AGAP1: variants seen among roughly 807,000 people sequenced by gnomAD.
The protein encoded by AGAP1 is arf-GAP with GTPase, ANK repeat and PH domain-containing protein 1.
In AGAP1, 29 loss-of-function variants were observed where a neutral mutation model predicts 105.3. The observed-to-expected ratio is 0.28, with a 90% CI of 0.21 to 0.38. The LOEUF is 0.38. Among genes scored for constraint, AGAP1 ranks in the 10% least tolerant of loss-of-function variants. The pLI, the probability that AGAP1 is intolerant of heterozygous loss-of-function variation, is 1.00. For synonymous variants in AGAP1, 509 were observed against 485.9 expected, an observed-to-expected ratio of 1.05 and a Z score of -0.63; for missense variants, 998 against 1,165.1, an observed-to-expected ratio of 0.86 and a Z score of 2.09.
chr2:235,602,692 A>G (rs962579591), intron 1 of AGAP1, among the ~76,000 whole-genome samples: 8 of 146,336 alleles, frequency 5.5e-5, no homozygotes, highest in African/African-American at 2.1e-4. Context: ...AGTTATCCGC[A>G]TCAGACACAT....
chr2:235,519,399 A>T (rs932861935), intron 1 of AGAP1, among the ~76,000 whole-genome samples: 1 of 152,058 alleles, frequency 6.6e-6, no homozygotes, highest in Non-Finnish European at 1.5e-5. Context: ...AATTGGTTTA[A>T]TCCTCCCAGG....
Position 235,494,790 on chromosome 2 carries a change from A to C in AGAP1, c.104A>C (p.Glu35Ala). The C allele has an allele frequency of 6.3e-7, 1 of 1,584,924 alleles. No individual in the cohort carries two copies. Among genetic ancestry groups the C allele is most frequent in the Non-Finnish European group, 8.6e-7 (1 of 1,165,656 alleles). ...ATCTACTCCATCTACGAGCTGCTGG[A>C]GCGCGTGGAGGAGCCGGTGCTGCAG... Reference protein sequence around the residue: ...PNIYSIYELLERVEEPVLQNQ... With the variant: ...PNIYSIYELLARVEEPVLQNQ... Residue 35 changes from glutamate (E) to alanine (A), a missense_variant, in exon 1 of 18, where the codon GAG becomes GCG. Physicochemically the swap from Glu to Ala is moderately radical, Grantham distance 107. Transcript: ENST00000304032.
intron 9 of AGAP1, among the ~76,000 whole-genome samples, chr2:235,870,698 C>G (rs1012366044): frequency 6.6e-6 from 1 of 152,124 alleles, no homozygotes; most frequent in Admixed American, 6.5e-5. Context: ...TTCTGAAATC[C>G]AGCCAGCACA....
At chr2:236,118,753 C>T (rs890748867) in intron 16 of AGAP1, among the ~76,000 whole-genome samples, 1 of 152,132 alleles carries the variant, frequency 6.6e-6, no homozygotes, top group Non-Finnish European at 1.5e-5. Flanking sequence ...GGCTTGGCTC[C>T]TGGGATCCTT....
rs1013295461 is a variant in AGAP1, at chr2:235,751,793, G to A, written c.673+1305G>A. On this transcript the variant is annotated intron_variant, in intron 6 of 17. Transcript: ENST00000304032. This position sits in a 1 kb window ranked among gnomAD's most constrained non-coding sequence, Gnocchi z 5.3. ...TCCTAGTTACTGCTTCATGGCTTAG[G>A]TTTCTTCTCGCCTTATCCAGTGCCA... Among the ~76,000 whole-genome samples, 14 of 152,144 alleles carry A rather than the reference G, an allele frequency of 9.2e-5. No homozygotes were observed. The highest frequency in any genetic ancestry group is 1.5e-4 in the Non-Finnish European group (10 of 68,022).
chr2:235,841,293 C>T (rs909456549), intron 9 of AGAP1, among the ~76,000 whole-genome samples: 3 of 152,154 alleles, frequency 2.0e-5, no homozygotes, highest in Non-Finnish European at 4.4e-5. Flanking sequence ...CAACAGTCGC[C>T]GCTCACTAGG....
chr2:235,849,479 C>T (rs1559559627), intron 9 of AGAP1, among the ~76,000 whole-genome samples: 1 of 12,962 alleles, frequency 7.7e-5, no homozygotes, highest in Non-Finnish European at 1.2e-4. Flanking sequence ...CAGGCAGTGA[C>T]CTCTCCTGCA....
chr2:235,616,117 C>T (rs187652371), intron 1 of AGAP1, among the ~76,000 whole-genome samples: 1 of 152,012 alleles, frequency 6.6e-6, no homozygotes, highest in Non-Finnish European at 1.5e-5. Context: ...AATCCTAGCA[C>T]TTTGGGAGGT....
intron 1 of AGAP1, among the ~76,000 whole-genome samples, chr2:235,572,988 CTTCTTCTTCT>C (rs1944585477): frequency 4.2e-5 from 1 of 23,828 alleles, no homozygotes; most frequent in Admixed American, 3.9e-4. Context: ...TCTTCTTCTT[CTTCTTCTTCT>C]TCTTCTTCTT....
intron 1 of AGAP1, among the ~76,000 whole-genome samples, chr2:235,678,165 A>T (rs1948859885): frequency 6.6e-6 from 1 of 151,734 alleles, no homozygotes; most frequent in South Asian, 2.1e-4. Flanking sequence ...TGGATATCTC[A>T]CTCTTCCGGC....
chr2:235,867,034 G>A lies in AGAP1; in HGVS notation c.1051-16311G>A, dbSNP rs1045284059. Among the ~76,000 whole-genome samples the A allele has an allele frequency of 1.3e-5, 2 of 152,198 alleles. No homozygotes were observed. The highest frequency in any genetic ancestry group is 2.9e-5 in the Non-Finnish European group (2 of 68,042). On this transcript the variant is annotated intron_variant, in intron 9 of 17. Coordinates refer to ENST00000304032, the MANE Select transcript of AGAP1 (RefSeq NM_001037131.3). The surrounding 1 kb of genome is among the most constrained non-coding windows in gnomAD (Gnocchi z 5.4). ...ATCGTCTAAGGGATGGGCGTCGGGG[G>A]GTGCTTGCTTATGCGGAGCCTGTGA...
chr2:235,693,986 T>G (rs911689379), intron 1 of AGAP1, among the ~76,000 whole-genome samples: 2 of 152,222 alleles, frequency 1.3e-5, no homozygotes, highest in African/African-American at 4.8e-5. Flanking sequence ...CATGTGATTC[T>G]GGAAGCTGCA....
chr2:236,102,076 T>G (rs75307072), intron 16 of AGAP1, among the ~76,000 whole-genome samples: 82,875 of 151,476 alleles, frequency 0.55, 24,456 homozygotes, highest in African/African-American at 0.78. Flanking sequence ...GAGGCCAGGA[T>G]TTCGTGACTA....
intron 12 of AGAP1, among the ~76,000 whole-genome samples, chr2:235,940,290 A>C (rs556899774): frequency 2.6e-5 from 4 of 152,052 alleles, no homozygotes; most frequent in African/African-American, 9.6e-5. Context: ...TGTCATTCTT[A>C]CTTCCCAAAA....
rs1395836775 is a variant in AGAP1 at position 236,045,022 on chromosome 2, C to A, written c.1892-4037C>A. ...CTTGAACTCTTAGGCTCCAGCAATCCTCCCACCTCAGACTCCTGAGCAGCT... is the reference window on the plus strand; with the variant it reads ...CTTGAACTCTTAGGCTCCAGCAATCATCCCACCTCAGACTCCTGAGCAGCT... On this transcript the variant is annotated intron_variant, in intron 15 of 17. Transcript: ENST00000304032. The surrounding 1 kb of genome is among the most constrained non-coding windows in gnomAD (Gnocchi z 6.9). Among the ~76,000 whole-genome samples the A allele has an allele frequency of 6.6e-6, 1 of 152,136 alleles. No homozygotes were observed. The highest frequency in any genetic ancestry group is 1.9e-4 in the East Asian group (1 of 5,176).
chr2:235,691,434 ATCT>A lies in AGAP1; in HGVS notation c.164-17743_164-17741del, dbSNP rs1337319033. ...CGAGAAGCAAAAGTAGATTTAACAC[ATCT>A]TTAAAATCCGCTGAAGACTGTAAAG... On this transcript the variant is annotated intron_variant, in intron 1 of 17. Transcript: ENST00000304032. The surrounding 1 kb of genome is among the most constrained non-coding windows in gnomAD (Gnocchi z 4.4). Among the ~76,000 whole-genome samples, 1 of 152,258 alleles carries A rather than the reference ATCT, an allele frequency of 6.6e-6. No homozygotes were observed. Among genetic ancestry groups the A allele is most frequent in the Non-Finnish European group, 1.5e-5 (1 of 68,048 alleles).
chr2:236,013,532 C>T (rs931892760), intron 13 of AGAP1, among the ~76,000 whole-genome samples: 1 of 152,196 alleles, frequency 6.6e-6, no homozygotes, highest in African/African-American at 2.4e-5. Context: ...ACCAGAGGGC[C>T]AGCCTGGCTG....
At chr2:236,107,165 C>CT (rs1559282593) in intron 16 of AGAP1, among the ~76,000 whole-genome samples, 1 of 150,296 alleles carries the variant, frequency 6.7e-6, no homozygotes, top group Non-Finnish European at 1.5e-5. Context: ...TCAGAGGCAG[C>CT]AGGCCTTGAA....
chr2:235,873,695 A>G (rs1489666470), intron 9 of AGAP1, among the ~76,000 whole-genome samples: 1 of 152,214 alleles, frequency 6.6e-6, no homozygotes, highest in Admixed American at 6.5e-5. Context: ...TGTCCAGTCC[A>G]TGTGGAAGGA....
Sources: gnomAD v4.1 joint callset for allele counts (sites outside exome capture counted in the v4.1 genomes callset) on GRCh38, gnomAD v4.1.1 for gene constraint, Gnocchi (gnomAD v3.1) non-coding constraint, MANE v1.5 for transcripts, NCBI Gene and HGNC (gene_info 2026-07-23, HGNC 2026-07-21) for gene names.